Variants in PPARA observed in about 807,000 individuals in gnomAD.
PPARA encodes the protein peroxisome proliferator-activated receptor alpha.
Under a neutral mutation model 42.2 loss-of-function variants are expected in PPARA, and 22 were observed. That is an observed-to-expected ratio of 0.52 (90% CI 0.37 to 0.74). The LOEUF is 0.74. Among genes scored for constraint, PPARA ranks in the 30% least tolerant of loss-of-function variants. PPARA has a pLI of 0.00. For missense variants in PPARA, 465 were observed against 608.2 expected (o/e 0.76, Z 2.48); for synonymous variants, 242 against 239.3 (o/e 1.01, Z -0.10).
intron 2 of PPARA, among the ~76,000 whole-genome samples, chr22:46,154,654 A>G (rs1924979592): frequency 6.6e-6 from 1 of 151,926 alleles, no homozygotes; most frequent in African/African-American, 2.4e-5. Context: ...ATCTTTAAGC[A>G]GTGTTTTTAA....
chr22:46,184,833 C>T lies in PPARA; in HGVS notation c.-43+7997C>T, dbSNP rs184580447. Among the ~76,000 whole-genome samples, 732 of 152,258 alleles carry T rather than the reference C, an allele frequency of 4.8e-3. 4 individuals carry two copies. Among genetic ancestry groups the T allele is most frequent in the African/African-American group, 0.016 (682 of 41,558 alleles). ...TTGTGTCACTGCACTCCAGCCTACG[C>T]GACAGAGCAAGACTCCGTCTCAAAA... is the stretch of plus-strand genomic sequence containing the variant. On this transcript the variant is annotated intron_variant, in intron 3 of 8. Coordinates refer to ENST00000407236, the MANE Select transcript of PPARA (RefSeq NM_005036.6). This position sits in a 1 kb window ranked among gnomAD's most constrained non-coding sequence, Gnocchi z 4.4.
At chr22:46,153,087 A>AAAAT (rs1285288923) in intron 2 of PPARA, among the ~76,000 whole-genome samples, 1 of 152,172 alleles carries the variant, frequency 6.6e-6, no homozygotes, top group Non-Finnish European at 1.5e-5. Flanking sequence ...CTCCGTCTCA[A>AAAAT]AAATAAATAA....
In PPARA at chr22:46,180,352, T is replaced by A. The variant is rs1294201055; in HGVS notation, c.-43+3516T>A. Among the ~76,000 whole-genome samples, 1 of 152,130 alleles carries A rather than the reference T, an allele frequency of 6.6e-6. No homozygotes were observed. The highest frequency in any genetic ancestry group is 1.5e-5 in the Non-Finnish European group (1 of 68,028). On this transcript the variant is annotated intron_variant, in intron 3 of 8. Transcript: ENST00000407236. This position sits in a 1 kb window ranked among gnomAD's most constrained non-coding sequence, Gnocchi z 4.2. ...ATAGAAATAATGATAGTTTCTTTAATAAAAATGCTGTTTAGGCCCAGACTG... is the reference window on the plus strand; with the variant it reads ...ATAGAAATAATGATAGTTTCTTTAAAAAAAATGCTGTTTAGGCCCAGACTG...
At chr22:46,176,551 CTG>C (rs1438016553) in intron 2 of PPARA, among the ~76,000 whole-genome samples, 200 bp from the exon 3 acceptor site, 1 of 152,150 alleles carries the variant, frequency 6.6e-6, no homozygotes, top group Non-Finnish European at 1.5e-5. Flanking sequence ...ATTATATACT[CTG>C]TATGGCTTCA....
intron 6 of PPARA, among the ~76,000 whole-genome samples, chr22:46,218,757 C>T (rs1029945818): frequency 2.0e-5 from 3 of 151,504 alleles, no homozygotes; most frequent in African/African-American, 7.3e-5. Flanking sequence ...TCGCTTGAAC[C>T]CGGGAGGCGG....
Position 46,236,896 on chromosome 22 carries a change from C to T in PPARA, c.*1516C>T, listed in dbSNP as rs922500917. On this transcript the variant is annotated 3_prime_UTR_variant, in exon 9 of 9. Transcript: ENST00000407236. This position sits in a 1 kb window ranked among gnomAD's most constrained non-coding sequence, Gnocchi z 5.2. Reference sequence around the variant, plus strand: ...TCAACATCTAAAATTTTTGTTTTAGCCTTCAAAACCAACTTACCAACCTCA... The same window carrying T: ...TCAACATCTAAAATTTTTGTTTTAGTCTTCAAAACCAACTTACCAACCTCA... The T allele has an allele frequency of 5.9e-5, 9 of 152,146 alleles. No homozygotes were observed. The highest frequency in any genetic ancestry group is 2.2e-4 in the African/African-American group (9 of 41,410). The allele number at this position is 152,146 out of a possible 1,614,324, so 9.4% of individuals were successfully genotyped here.
intron 7 of PPARA, among the ~76,000 whole-genome samples, chr22:46,220,944 A>G (rs1934953106): frequency 6.6e-6 from 1 of 150,898 alleles, no homozygotes; most frequent in Non-Finnish European, 1.5e-5. Flanking sequence ...CCCTATCTCA[A>G]AAAAAAAATA....
At position 46,202,606 on chromosome 22, in the gene PPARA, CGTG is replaced by C. The variant is rs545495335; in HGVS notation, c.208+4016_208+4018del. Among the ~76,000 whole-genome samples, 303 of 152,032 alleles carry C rather than the reference CGTG, an allele frequency of 2.0e-3. 1 individual carries two copies. Among genetic ancestry groups the C allele is most frequent in the African/African-American group, 6.7e-3 (280 of 41,490 alleles). On this transcript the variant is annotated intron_variant, in intron 4 of 8. Transcript: ENST00000407236. The stretch of plus-strand genomic sequence containing the variant: ...AAAAAAAATTAGCTGGGCGTGGAGG[CGTG>C]CACCTCTTAAGCTTAAGGACATATT...
At chr22:46,228,303 A>C (rs1249168720) in intron 7 of PPARA, among the ~76,000 whole-genome samples, 1 of 151,996 alleles carries the variant, frequency 6.6e-6, no homozygotes, top group Non-Finnish European at 1.5e-5. Flanking sequence ...GGGAGGCTGA[A>C]GCGGGTGGAT....
intron 2 of PPARA, among the ~76,000 whole-genome samples, chr22:46,170,769 C>T (rs1927892747): frequency 6.6e-6 from 1 of 151,746 alleles, no homozygotes; most frequent in South Asian, 2.1e-4. Context: ...AGTCCTTCCC[C>T]TGGAGGGATC....
Position 46,219,209 on chromosome 22 carries a change from T to C in PPARA, c.509-603T>C, listed in dbSNP as rs1934791920. The stretch of plus-strand genomic sequence containing the variant: ...AAAGTCTCAAATAGCTGAGATTCAG[T>C]GGTGCATTGGACTCGCTGTTAGAAA... On this transcript the variant is annotated intron_variant, in intron 6 of 8. Coordinates refer to ENST00000407236, the MANE Select transcript of PPARA (RefSeq NM_005036.6). This position sits in a 1 kb window ranked among gnomAD's most constrained non-coding sequence, Gnocchi z 4.8. Among the ~76,000 whole-genome samples the C allele has an allele frequency of 6.6e-6, 1 of 151,938 alleles. No homozygotes were observed. The highest frequency in any genetic ancestry group is 1.5e-5 in the Non-Finnish European group (1 of 67,982).
rs562061918 is a variant in PPARA at position 46,212,220 on chromosome 22, C to A, written c.209-2953C>A. On this transcript the variant is annotated intron_variant, in intron 4 of 8. Coordinates refer to ENST00000407236, the MANE Select transcript of PPARA (RefSeq NM_005036.6). This position sits in a 1 kb window ranked among gnomAD's most constrained non-coding sequence, Gnocchi z 4.2. ...TACAGGTGCACACCGCTGAGCCCAG[C>A]AAATTTTTGTATTTTTTGTAAAGAT... is the stretch of plus-strand genomic sequence containing the variant. Among the ~76,000 whole-genome samples, 92 of 151,794 alleles carry A rather than the reference C, an allele frequency of 6.1e-4. 1 individual carries two copies. The Middle Eastern group carries it at 0.028, about 46-fold the overall frequency.
In PPARA at chr22:46,243,579, G is replaced by T. The variant is rs1936434677; in HGVS notation, c.*8199G>T. On this transcript the variant is annotated 3_prime_UTR_variant, in exon 9 of 9. Transcript: ENST00000407236. The surrounding 1 kb of genome is among the most constrained non-coding windows in gnomAD (Gnocchi z 5.0). ...ACCTTAATTTTAAAAAAAAATCTTG[G>T]GTCTTCGTTTTCCTATTAGGAGACT... 6.6e-6 allele frequency: 1 copy of T among 152,068 alleles called. No individual in the cohort carries two copies. 9.4% of individuals were successfully genotyped at this position (152,068 alleles called of 1,614,324 possible). A position where few individuals can be genotyped will look rare whatever the true frequency, so the allele number is the denominator to read the frequency against.
At chr22:46,198,270 A>G in intron 3 of PPARA, 72 bp from the exon 4 acceptor site, 1 of 618,610 alleles carries the variant, frequency 1.6e-6, no homozygotes, top group Admixed American at 3.1e-5. Flanking sequence ...ATAAATAAAT[A>G]ATAAAAAATA....
intron 2 of PPARA, among the ~76,000 whole-genome samples, chr22:46,152,910 C>T (rs188308954): frequency 6.6e-6 from 1 of 152,124 alleles, no homozygotes; most frequent in Admixed American, 6.6e-5. Context: ...CATGGTGAAA[C>T]CTTGTCTCTA....
rs752324087 is a variant in PPARA at position 46,235,090 on chromosome 22, G to A, written c.1160-43G>A. The A allele has an allele frequency of 6.2e-6, 10 of 1,613,328 alleles. No homozygotes were observed. Among genetic ancestry groups the A allele is most frequent in the African/African-American group, 1.3e-5 (1 of 74,888 alleles). ...CCTGAAACTGATAAGCAGTTCTTGG[G>A]TGATTATCACACTCAAACCTCTCTC... On this transcript the variant is annotated intron_variant, in intron 8 of 8. Transcript: ENST00000407236. The surrounding 1 kb of genome is among the most constrained non-coding windows in gnomAD (Gnocchi z 7.0).
chr22:46,160,867 G>A lies in PPARA; in HGVS notation c.-127+8897G>A, dbSNP rs1329361906. ...CCGCCTTGGCCTCCCAAAGTGTTGG[G>A]ATTACAGGTGTGATTCATGATGTCC... On this transcript the variant is annotated intron_variant, in intron 2 of 8. Coordinates refer to ENST00000407236, the MANE Select transcript of PPARA (RefSeq NM_005036.6). This position sits in a 1 kb window ranked among gnomAD's most constrained non-coding sequence, Gnocchi z 4.5. Among the ~76,000 whole-genome samples the A allele has an allele frequency of 1.3e-5, 2 of 152,214 alleles. No individual in the cohort carries two copies. Among genetic ancestry groups the A allele is most frequent in the Non-Finnish European group, 2.9e-5 (2 of 68,042 alleles).
At position 46,225,201 on chromosome 22, in the gene PPARA, T is replaced by A. The variant is rs917862700; in HGVS notation, c.711+5187T>A. ...TGTGTCCATCTGGACACTGGGACTGTTTGAGCCCCTGAGATTTCAGAACCG... is the reference window on the plus strand; with the variant it reads ...TGTGTCCATCTGGACACTGGGACTGATTGAGCCCCTGAGATTTCAGAACCG... On this transcript the variant is annotated intron_variant, in intron 7 of 8. Transcript: ENST00000407236. This position sits in a 1 kb window ranked among gnomAD's most constrained non-coding sequence, Gnocchi z 4.1. Among the ~76,000 whole-genome samples, 3 of 152,066 alleles carry A rather than the reference T, an allele frequency of 2.0e-5. No individual in the cohort carries two copies. The highest frequency in any genetic ancestry group is 4.4e-5 in the Non-Finnish European group (3 of 67,994).
chr22:46,177,083 C>T (rs111954991), intron 3 of PPARA, among the ~76,000 whole-genome samples: 139 of 152,012 alleles, frequency 9.1e-4, no homozygotes, highest in Non-Finnish European at 1.1e-3. Context: ...TGGTGGCAGG[C>T]GCCTGTAGTC....
Sources: allele counts gnomAD v4.1 joint callset (sites outside exome capture counted in the v4.1 genomes callset), GRCh38; gene constraint gnomAD v4.1.1; non-coding constraint Gnocchi (gnomAD v3.1); transcripts MANE v1.5; gene names NCBI Gene and HGNC (gene_info 2026-07-23, HGNC 2026-07-21).